GAS2L3: variants seen among roughly 807,000 people sequenced by gnomAD.
GAS2L3 encodes GAS2-like protein 3.
In GAS2L3, 28 loss-of-function variants were observed where a neutral mutation model predicts 37.0. That is an observed-to-expected ratio of 0.76 (90% confidence interval 0.56 to 1.04). GAS2L3 has a LOEUF of 1.04. Among genes scored for constraint, GAS2L3 ranks in the 50% least tolerant of loss-of-function variants. GAS2L3 has a pLI of 0.00. For synonymous variants in GAS2L3, 290 were observed against 296.6 expected, an observed-to-expected ratio of 0.98 and a Z score of 0.23; for missense variants, 793 against 817.6, an observed-to-expected ratio of 0.97 and a Z score of 0.37.
At chr12:100,618,247 A>G (rs1256941897) in intron 7 of GAS2L3, among the ~76,000 whole-genome samples, 1 of 152,202 alleles carries the variant, frequency 6.6e-6, no homozygotes, top group Non-Finnish European at 1.5e-5. Flanking sequence ...CTGCAACCCA[A>G]ATATGTGCTA....
At chr12:100,604,806 G>GCTCA (rs1956036703) in intron 5 of GAS2L3, among the ~76,000 whole-genome samples, 1 of 151,870 alleles carries the variant, frequency 6.6e-6, no homozygotes, top group African/African-American at 2.4e-5. Flanking sequence ...TTATCACAAA[G>GCTCA]GGATTTAAAT....
intron 3 of GAS2L3, among the ~76,000 whole-genome samples, chr12:100,597,488 A>G (rs1955927457): frequency 6.6e-6 from 1 of 152,086 alleles, no homozygotes; most frequent in Non-Finnish European, 1.5e-5. Context: ...GGAAATAAAT[A>G]ACATCATTTT....
chr12:100,604,366 G>C (rs553337907), intron 5 of GAS2L3, among the ~76,000 whole-genome samples: 1 of 151,398 alleles, frequency 6.6e-6, no homozygotes, highest in East Asian at 1.9e-4. Flanking sequence ...CTGTAAATGG[G>C]ATTACTTTTT....
intron 5 of GAS2L3, among the ~76,000 whole-genome samples, chr12:100,606,060 A>G (rs1027305646): frequency 1.8e-4 from 27 of 151,972 alleles, no homozygotes; most frequent in African/African-American, 6.0e-4. Flanking sequence ...TCTGTCTGGA[A>G]GATCTGACCA....
chr12:100,621,882 G>GGA (rs1205356059), intron 8 of GAS2L3, among the ~76,000 whole-genome samples: 1,659 of 81,018 alleles, frequency 0.02, 44 homozygotes, highest in African/African-American at 0.071. Context: ...GGTGGGGGGG[G>GGA]GAGAGAGAGA....
chr12:100,574,275 A>G (rs796886338), intron 1 of GAS2L3, among the ~76,000 whole-genome samples: 9 of 152,248 alleles, frequency 5.9e-5, no homozygotes, highest in African/African-American at 2.2e-4. Context: ...TGGCCCTGCA[A>G]AGAGAAAGAG....
chr12:100,581,471 A>G (rs1216802483), intron 1 of GAS2L3, among the ~76,000 whole-genome samples: 1 of 152,212 alleles, frequency 6.6e-6, no homozygotes, highest in Admixed American at 6.5e-5. Flanking sequence ...CACTAGATAG[A>G]TTCCGTCAGT....
intron 4 of GAS2L3, 61 bp downstream of exon 4, chr12:100,600,611 C>G: frequency 1.6e-6 from 2 of 1,284,886 alleles, no homozygotes; most frequent in Non-Finnish European, 2.2e-6. Context: ...TTATTGAGAG[C>G]CTTACTCTTT....
At chr12:100,613,792 C>T (rs1201309517) in intron 6 of GAS2L3, among the ~76,000 whole-genome samples, 1 of 152,010 alleles carries the variant, frequency 6.6e-6, no homozygotes, top group Non-Finnish European at 1.5e-5. Flanking sequence ...GGCTGGGTTA[C>T]ACCATGTTAG....
chr12:100,627,458 G>T lies in GAS2L3; in HGVS notation c.*2568G>T, dbSNP rs779120050. On this transcript the variant is annotated 3_prime_UTR_variant, in exon 10 of 10. Transcript: ENST00000547754. ...CCCAGCTAATTTTTTTGTATTTTCA[G>T]TAGAGATGGGGGTTTCACCATGTCG... 2 of 152,016 alleles carry T rather than the reference G, an allele frequency of 1.3e-5. No individual in the cohort carries two copies. Among genetic ancestry groups the T allele is most frequent in the Non-Finnish European group, 2.9e-5 (2 of 68,042 alleles). The allele number at this position is 152,016 out of a possible 1,614,324, so 9.4% of individuals were successfully genotyped here.
chr12:100,601,482 T>A (rs1955988486), intron 4 of GAS2L3, among the ~76,000 whole-genome samples, 156 bp from the exon 5 acceptor site: 1 of 152,044 alleles, frequency 6.6e-6, no homozygotes, highest in Non-Finnish European at 1.5e-5. Flanking sequence ...AACTGGCCAT[T>A]ATTTGCTATT....
chr12:100,594,763 T>G (rs1041657776), intron 2 of GAS2L3, 112 bp from the exon 3 acceptor site: 1 of 381,744 alleles, frequency 2.6e-6, no homozygotes, highest in Admixed American at 4.7e-5. Flanking sequence ...GAAGAAAAAG[T>G]TTTGCGTTTG....
chr12:100,612,523 C>A (rs114475140), intron 6 of GAS2L3: 1 of 175,840 alleles, frequency 5.7e-6, no homozygotes, highest in African/African-American at 2.4e-5. Context: ...TGTATTATCA[C>A]GGTGTTTAGC....
intron 6 of GAS2L3, 63 bp from the exon 7 acceptor site, chr12:100,617,681 T>C (rs1956204027): frequency 1.0e-6 from 1 of 986,958 alleles, no homozygotes; most frequent in Non-Finnish European, 1.6e-6. Flanking sequence ...TCTTCTTCCA[T>C]GCCAGAAATA....
intron 1 of GAS2L3, among the ~76,000 whole-genome samples, chr12:100,585,368 G>A (rs1470788171): frequency 1.3e-5 from 2 of 151,656 alleles, no homozygotes; most frequent in African/African-American, 4.8e-5. Flanking sequence ...CAATTCTCCT[G>A]CCTCAGCCTC....
rs1004169871 is a variant in GAS2L3 at position 100,627,193 on chromosome 12, T to A, written c.*2303T>A. 5.9e-5 allele frequency among the ~76,000 whole-genome samples: 9 copies of A among 152,192 alleles called. No individual in the cohort carries two copies. Among genetic ancestry groups the A allele is most frequent in the Non-Finnish European group, 1.0e-4 (7 of 68,034 alleles). ...GCAGTAGGGAATTTCTCCAATTACATTCATGTTGAATGAATTTTTATTTAT... is the reference window on the plus strand; with the variant it reads ...GCAGTAGGGAATTTCTCCAATTACAATCATGTTGAATGAATTTTTATTTAT... On this transcript the variant is annotated 3_prime_UTR_variant, in exon 10 of 10. Coordinates refer to ENST00000547754, the MANE Select transcript of GAS2L3 (RefSeq NM_174942.3).
At chr12:100,587,564 G>A (rs907484188) in intron 1 of GAS2L3, among the ~76,000 whole-genome samples, 1 of 152,112 alleles carries the variant, frequency 6.6e-6, no homozygotes, top group African/African-American at 2.4e-5. Flanking sequence ...CAGCAAAATC[G>A]GCATACAAGG....
Position 100,623,591 on chromosome 12 carries a change from C to T in GAS2L3, c.786C>T (p.Arg262=), listed in dbSNP as rs752609151. The T allele has an allele frequency of 1.6e-5, 26 of 1,607,586 alleles. No individual in the cohort carries two copies. Among genetic ancestry groups the T allele is most frequent in the South Asian group, 5.5e-5 (5 of 90,408 alleles). ...RMLHGKHVMV[R]VGGGWDTLQG... ...TTCATGGAAAACATGTCATGGTTCG[C>T]GTTGGTGGAGGCTGGGATACTCTTC... is the stretch of plus-strand genomic sequence containing the variant. Residue 262 remains arginine (R), a synonymous_variant, in exon 10 of 10, where the codon CGC becomes CGT. Coordinates refer to ENST00000547754, the MANE Select transcript of GAS2L3 (RefSeq NM_174942.3).
intron 1 of GAS2L3, among the ~76,000 whole-genome samples, chr12:100,587,386 T>A (rs1955793698): frequency 6.6e-6 from 1 of 152,152 alleles, no homozygotes; most frequent in Admixed American, 6.5e-5. Context: ...TAAACCACCA[T>A]GATCAAGTGG....
Sources: gnomAD v4.1 joint callset for allele counts (sites outside exome capture counted in the v4.1 genomes callset) on GRCh38, gnomAD v4.1.1 for gene constraint, MANE v1.5 for transcripts, NCBI Gene and HGNC (gene_info 2026-07-23, HGNC 2026-07-21) for gene names.